Variants in ANK2 observed in about 807,000 individuals in gnomAD.
ANK2 encodes the protein ankyrin-2.
In ANK2, 83 loss-of-function variants were observed where a neutral mutation model predicts 360.5. The ratio of observed to expected loss-of-function variants is 0.23; its 90% CI spans 0.19 to 0.28. ANK2 has a LOEUF of 0.28. Among genes scored for constraint, ANK2 ranks in the 10% least tolerant of loss-of-function variants. The probability of loss-of-function intolerance (pLI) is 1.00; values close to 1 mark genes in which losing one functional copy is unlikely to be tolerated. For missense variants in ANK2, 4,201 were observed against 4,795.7 expected (o/e 0.88, Z 3.66); for synonymous variants, 1,740 against 1,759.5 (o/e 0.99, Z 0.28).
At chr4:113,009,699 T>G (rs7659424) in intron 2 of ANK2, among the ~76,000 whole-genome samples, 1 of 152,126 alleles carries the variant, frequency 6.6e-6, no homozygotes, top group Non-Finnish European at 1.5e-5. Flanking sequence ...GATAAGTGGC[T>G]TGGGAAAGGA....
chr4:113,029,208 A>G (rs1437703493), intron 2 of ANK2, among the ~76,000 whole-genome samples: 2 of 152,096 alleles, frequency 1.3e-5, no homozygotes, highest in Non-Finnish European at 1.5e-5. Context: ...TCTAAAGGAA[A>G]GACTCATGAT....
chr4:113,003,238 A>G (rs1157373350), intron 2 of ANK2, among the ~76,000 whole-genome samples: 1 of 152,214 alleles, frequency 6.6e-6, no homozygotes, highest in Non-Finnish European at 1.5e-5. Flanking sequence ...ACAATTTTTT[A>G]TATAATTGCA....
At chr4:113,088,936 T>C (rs2086301905) in intron 1 of ANK2, among the ~76,000 whole-genome samples, 1 of 152,228 alleles carries the variant, frequency 6.6e-6, no homozygotes, top group Admixed American at 6.5e-5. Flanking sequence ...GCCGTAGTTC[T>C]GCTCTAGTTA....
intron 1 of ANK2, among the ~76,000 whole-genome samples, chr4:113,129,877 G>C (rs1191224043): frequency 1.3e-5 from 2 of 152,048 alleles, no homozygotes; most frequent in Non-Finnish European, 1.5e-5. Flanking sequence ...AAATTTGTTG[G>C]TGATATTAAC....
intron 23 of ANK2, among the ~76,000 whole-genome samples, chr4:113,307,696 C>A (rs183699421): frequency 1.1e-3 from 173 of 152,298 alleles, no homozygotes; most frequent in African/African-American, 4.0e-3. Context: ...AGTCACCACG[C>A]CCGGCCGCCG....
chr4:112,822,060 G>A (rs2057215373), intron 1 of ANK2, among the ~76,000 whole-genome samples: 5 of 152,054 alleles, frequency 3.3e-5, no homozygotes, highest in South Asian at 4.1e-4. Flanking sequence ...GAGCCACTGC[G>A]CCTAATGTTC....
rs564040585 is a variant in ANK2 at position 112,944,149 on chromosome 4, C to G, written c.21+39635C>G. On this transcript the variant is annotated intron_variant, in intron 2 of 30. Transcript: ENST00000503271. ...AAATCCTTTCCCCTTACTGGACAAG[C>G]CTTTCACTTATTGTTCCAGGAGGGC... Among the ~76,000 whole-genome samples the G allele has an allele frequency of 3.9e-5, 6 of 152,280 alleles. No individual in the cohort carries two copies. In the East Asian group the frequency reaches 9.6e-4, roughly 24 times the overall value.
chr4:113,232,312 CT>C, intron 5 of ANK2, 53 bp downstream of exon 5: 1 of 1,323,802 alleles, frequency 7.6e-7, no homozygotes, highest in African/African-American at 1.4e-5. Context: ...TGTCCATATT[CT>C]TTATATCAGG....
intron 14 of ANK2, among the ~76,000 whole-genome samples, chr4:113,273,546 T>G (rs2059237075): frequency 2.6e-5 from 4 of 152,242 alleles, no homozygotes; most frequent in Non-Finnish European, 5.9e-5. Context: ...CTCCATTCAT[T>G]CTTAGCCCTG....
rs560243384 is a variant in ANK2, at chr4:113,270,111, A to C, written c.1486-4341A>C. ...TTCAGCTATTTGAAAAATATTTTCT[A>C]TGGTCAACCAGTGCACTCTGACTAT... is the stretch of plus-strand genomic sequence containing the variant. On this transcript the variant is annotated intron_variant, in intron 14 of 45. Coordinates refer to ENST00000357077, the MANE Select transcript of ANK2 (RefSeq NM_001148.6). 4.6e-5 allele frequency among the ~76,000 whole-genome samples: 7 copies of C among 152,288 alleles called. No individual in the cohort carries two copies. The East Asian group carries it at 1.3e-3, about 29-fold the overall frequency.
chr4:112,790,494 T>C, the ANK2 span, among the ~76,000 whole-genome samples: 1 of 148,594 alleles, frequency 6.7e-6, no homozygotes, highest in Admixed American at 6.7e-5. Context: ...CTTTTTTTTT[T>C]TTTTTTTTTT....
the ANK2 span, among the ~76,000 whole-genome samples, chr4:112,709,031 A>C: frequency 6.6e-6 from 1 of 152,210 alleles, no homozygotes; most frequent in Non-Finnish European, 1.5e-5. Context: ...AGATTTCCAA[A>C]AATGAGAAGG....
At chr4:113,258,021 T>C in intron 11 of ANK2, 29 bp from the exon 12 acceptor site, 3 of 1,587,098 alleles carry the variant, frequency 1.9e-6, no homozygotes, top group Non-Finnish European at 2.6e-6. Context: ...TCTGCATGTT[T>C]TCAACTAACT....
At chr4:113,199,147 A>T in intron 4 of ANK2, 38 bp downstream of exon 4, 1 of 1,479,864 alleles carries the variant, frequency 6.8e-7, no homozygotes, top group South Asian at 1.1e-5. Context: ...ACATACATTT[A>T]AATTAGAACA....
chr4:112,961,357 T>C (rs2034721318), intron 2 of ANK2, among the ~76,000 whole-genome samples: 1 of 152,128 alleles, frequency 6.6e-6, no homozygotes, highest in Non-Finnish European at 1.5e-5. Context: ...AGAGTAACAA[T>C]TATTTATTGT....
rs991272345 is a variant in ANK2 at position 113,226,324 on chromosome 4, G to A, written c.385-5837G>A. 7.3e-4 allele frequency among the ~76,000 whole-genome samples: 111 copies of A among 152,152 alleles called. 1 individual carries two copies. Among genetic ancestry groups the A allele is most frequent in the Non-Finnish European group, 9.3e-4 (63 of 68,014 alleles). ...GCACGGCAGACAGGGACTGATCCCTGCCTATCTAAGCTGCTTCTCCCCAGT... is the reference window on the plus strand; with the variant it reads ...GCACGGCAGACAGGGACTGATCCCTACCTATCTAAGCTGCTTCTCCCCAGT... On this transcript the variant is annotated intron_variant, in intron 4 of 45. Transcript: ENST00000357077.
At chr4:113,101,895 G>A (rs1156567002) in intron 1 of ANK2, among the ~76,000 whole-genome samples, 3 of 152,116 alleles carry the variant, frequency 2.0e-5, no homozygotes, top group Admixed American at 2.0e-4. Context: ...GCAGAGGGAA[G>A]TACACATGCA....
chr4:113,076,571 G>A (rs1323148259), intron 1 of ANK2, among the ~76,000 whole-genome samples: 1 of 152,130 alleles, frequency 6.6e-6, no homozygotes, highest in African/African-American at 2.4e-5. Flanking sequence ...TGAGGTGAGA[G>A]GATTACTTGA....
intron 2 of ANK2, among the ~76,000 whole-genome samples, chr4:113,175,673 C>T (rs970615156): frequency 1.3e-5 from 2 of 152,170 alleles, no homozygotes; most frequent in Non-Finnish European, 2.9e-5. Flanking sequence ...AAGATTACAA[C>T]ACTTCCTTCC....
Sources: gnomAD v4.1 joint callset for allele counts (sites outside exome capture counted in the v4.1 genomes callset) on GRCh38, gnomAD v4.1.1 for gene constraint, MANE v1.5 for transcripts, NCBI Gene and HGNC (gene_info 2026-07-23, HGNC 2026-07-21) for gene names.